ADAMTS6: variants seen among roughly 807,000 people sequenced by gnomAD.
ADAMTS6 encodes ADAM metallopeptidase with thrombospondin type 1 motif 6.
ADAMTS6 carries 23 observed loss-of-function variants against 144.3 expected under a neutral mutation model. The ratio of observed to expected loss-of-function variants is 0.16; its 90% CI spans 0.11 to 0.23. The LOEUF is 0.23. Among genes scored for constraint, ADAMTS6 ranks in the 10% least tolerant of loss-of-function variants. The pLI is 1.00. For synonymous variants in ADAMTS6, 444 were observed against 457.5 expected, an observed-to-expected ratio of 0.97 and a Z score of 0.38; for missense variants, 999 against 1,379.6, an observed-to-expected ratio of 0.72 and a Z score of 4.37.
At chr5:65,220,074 G>T (rs1392975908) in intron 18 of ADAMTS6, among the ~76,000 whole-genome samples, 1 of 152,078 alleles carries the variant, frequency 6.6e-6, no homozygotes, top group Non-Finnish European at 1.5e-5. Flanking sequence ...AGCAGAATAT[G>T]CATTCTTCTC....
chr5:65,415,997 C>T lies in ADAMTS6; in HGVS notation c.1073+35478G>A, dbSNP rs1171686815. On this transcript the variant is annotated intron_variant, in intron 7 of 24. Transcript: ENST00000381055. ...AGAAGCTGCTGATGACGGCTGGTAT[C>T]GATGACTGCTACACTTCAGCCAGGG... 10 of 188,286 alleles carry T rather than the reference C, an allele frequency of 5.3e-5. No homozygotes were observed. The East Asian group carries it at 9.4e-4, about 18-fold the overall frequency. The allele number at this position is 188,286 out of a possible 1,614,324, so 11.7% of individuals were successfully genotyped here.
intron 14 of ADAMTS6, among the ~76,000 whole-genome samples, chr5:65,249,154 A>T (rs1164480469): frequency 6.6e-6 from 1 of 151,998 alleles, no homozygotes; most frequent in African/African-American, 2.4e-5. Context: ...GCCTCTCTAA[A>T]AGTGATAAAC....
intron 11 of ADAMTS6, among the ~76,000 whole-genome samples, chr5:65,282,221 G>A (rs1763040129): frequency 6.6e-6 from 1 of 152,256 alleles, no homozygotes; most frequent in South Asian, 2.1e-4. Context: ...AAGGTGGTCA[G>A]GCTACAGCTT....
chr5:65,216,689 TTG>T (rs1170771439), intron 18 of ADAMTS6, among the ~76,000 whole-genome samples: 1 of 151,958 alleles, frequency 6.6e-6, no homozygotes. Context: ...TCTCATAATA[TTG>T]TGTTGTGAAA....
chr5:65,268,664 A>G (rs1181546465), intron 12 of ADAMTS6, among the ~76,000 whole-genome samples: 2 of 152,210 alleles, frequency 1.3e-5, no homozygotes, highest in African/African-American at 4.8e-5. Flanking sequence ...GCGAACATCC[A>G]ATGGCTGTAA....
intron 7 of ADAMTS6, among the ~76,000 whole-genome samples, chr5:65,394,175 G>C (rs1278296616): frequency 6.6e-6 from 1 of 152,158 alleles, no homozygotes; most frequent in Non-Finnish European, 1.5e-5. Flanking sequence ...TTACATCACA[G>C]TCCAGTTCCC....
chr5:65,164,302 C>T (rs1353224681), intron 24 of ADAMTS6, among the ~76,000 whole-genome samples: 12 of 152,134 alleles, frequency 7.9e-5, no homozygotes, highest in African/African-American at 1.2e-4. Context: ...CACTCCCACC[C>T]GAATATTGCG....
chr5:65,152,020 C>T (rs1439444414), intron 24 of ADAMTS6, 75 bp from the exon 25 acceptor site: 3 of 1,306,486 alleles, frequency 2.3e-6, no homozygotes, highest in Non-Finnish European at 3.3e-6. Context: ...GATGGGCCTG[C>T]ATGTTCAGCA....
At chr5:65,401,490 A>G (rs575229209) in intron 7 of ADAMTS6, among the ~76,000 whole-genome samples, 28 of 152,268 alleles carry the variant, frequency 1.8e-4, no homozygotes, top group African/African-American at 6.7e-4. Context: ...GTTTTTCTCC[A>G]ATATTTACTG....
At chr5:65,321,546 A>C (rs530509146) in intron 9 of ADAMTS6, among the ~76,000 whole-genome samples, 5 of 152,058 alleles carry the variant, frequency 3.3e-5, no homozygotes, top group South Asian at 2.1e-4. Flanking sequence ...TAGTTTAATT[A>C]AATCCCATTA....
intron 7 of ADAMTS6, among the ~76,000 whole-genome samples, chr5:65,340,205 G>A (rs1015518625): frequency 6.6e-5 from 10 of 151,660 alleles, no homozygotes; most frequent in African/African-American, 2.2e-4. Flanking sequence ...GGCCAGGAGA[G>A]AATGAGAAGG....
chr5:65,299,325 C>T (rs548307399), intron 10 of ADAMTS6, among the ~76,000 whole-genome samples: 3 of 152,172 alleles, frequency 2.0e-5, no homozygotes, highest in African/African-American at 4.8e-5. Flanking sequence ...GAAAGTGAGA[C>T]CCAAGTCTAT....
chr5:65,425,946 G>A (rs1255131430), intron 7 of ADAMTS6, among the ~76,000 whole-genome samples: 1 of 150,124 alleles, frequency 6.7e-6, no homozygotes, highest in African/African-American at 2.5e-5. Context: ...TGTATTTTTA[G>A]TAGAGACGGG....
At chr5:65,398,830 AAGAAAGAAAGAAAG>A (rs1234954202) in intron 7 of ADAMTS6, among the ~76,000 whole-genome samples, 3 of 146,176 alleles carry the variant, frequency 2.1e-5, no homozygotes, top group Admixed American at 6.8e-5. Context: ...GAAAGAAAGA[AAGAAAGAAAGAAAG>A]AAAGAAAAAG....
At chr5:65,417,853 T>C (rs534562706) in intron 7 of ADAMTS6, among the ~76,000 whole-genome samples, 1 of 152,330 alleles carries the variant, frequency 6.6e-6, no homozygotes, top group Non-Finnish European at 1.5e-5. Flanking sequence ...AATGTCATTT[T>C]TCACAGAACT....
chr5:65,260,617 G>T lies in ADAMTS6; in HGVS notation c.1813C>A (p.Arg605Ser), dbSNP rs200869432. 6.2e-7 allele frequency: 1 copy of T among 1,613,386 alleles called. No homozygotes were observed. Among genetic ancestry groups the T allele is most frequent in the South Asian group, 1.1e-5 (1 of 91,032 alleles). The change falls in exon 14 of 25, where the codon CGC (arginine) becomes AGC (serine). Residue 605 changes from arginine to serine, a missense_variant. By Grantham distance (110) the Arg-to-Ser change is moderately radical. This residue lies in a region of ADAMTS6 where 619 missense variants were observed against 837.0 expected (regional missense o/e 0.74). Coordinates refer to ENST00000381055, the MANE Select transcript of ADAMTS6 (RefSeq NM_197941.4). ...TTACTTACATCTGTGTTACAGGAGCGATACCGTTTCCTTTCCCCAAGGCAA... is the reference window on the plus strand; with the variant it reads ...TTACTTACATCTGTGTTACAGGAGCTATACCGTTTCCTTTCCCCAAGGCAA... Reference protein sequence around the residue: ...KYCLGERKRYRSCNTDPCPLG... With the variant: ...KYCLGERKRYSSCNTDPCPLG...
chr5:65,441,175 G>GA (rs968016844), intron 7 of ADAMTS6, among the ~76,000 whole-genome samples: 18 of 151,854 alleles, frequency 1.2e-4, no homozygotes, highest in Admixed American at 9.8e-4. Context: ...CACTAGAGAT[G>GA]AAAAAAATTA....
At chr5:65,299,016 C>T (rs1743119324) in intron 10 of ADAMTS6, among the ~76,000 whole-genome samples, 1 of 151,768 alleles carries the variant, frequency 6.6e-6, no homozygotes, top group Admixed American at 6.6e-5. Flanking sequence ...GAAGAATTTC[C>T]ATTGCTGGCC....
chr5:65,434,028 C>T (rs977825696), intron 7 of ADAMTS6, among the ~76,000 whole-genome samples: 1 of 152,218 alleles, frequency 6.6e-6, no homozygotes, highest in African/African-American at 2.4e-5. Flanking sequence ...GATGAATGAA[C>T]AAATAAAATG....
Sources: allele counts gnomAD v4.1 joint callset (sites outside exome capture counted in the v4.1 genomes callset), GRCh38; gene constraint gnomAD v4.1.1; regional missense constraint gnomAD v4.1.1; transcripts MANE v1.5; gene names NCBI Gene and HGNC (gene_info 2026-07-23, HGNC 2026-07-21).